Variants in C2orf49 observed in about 807,000 individuals in gnomAD.
C2orf49 encodes the protein tRNA-splicing ligase complex subunit ASW.
A neutral mutation model predicts 20.6 loss-of-function variants in C2orf49; 11 were observed. The ratio of observed to expected loss-of-function variants is 0.53; its 90% confidence interval spans 0.34 to 0.88. C2orf49 has a LOEUF of 0.88. C2orf49 is among the 40% of genes least tolerant of loss of function. C2orf49 has a pLI of 0.02. For synonymous variants in C2orf49, 134 were observed against 108.5 expected (o/e 1.24, Z -1.46); for missense variants, 289 against 274.2 (o/e 1.05, Z -0.38).
chr2:105,367,478 G>T, the C2orf49 span: 1 of 1,303,908 alleles, frequency 7.7e-7, no homozygotes, highest in Non-Finnish European at 1.1e-6. Flanking sequence ...AGTATCACAG[G>T]TATCCTTGGT....
At chr2:105,341,105 A>G (rs1452499294) in intron 2 of C2orf49, among the ~76,000 whole-genome samples, 2 of 152,242 alleles carry the variant, frequency 1.3e-5, no homozygotes, top group East Asian at 3.8e-4. Flanking sequence ...ACTTACTAGT[A>G]CAGACTATGT....
At chr2:105,373,854 G>A in the C2orf49 span, 2 of 857,270 alleles carry the variant, frequency 2.3e-6, no homozygotes, top group African/African-American at 3.4e-5. Flanking sequence ...GAGGCACCCT[G>A]GCGCACCCAC....
At chr2:105,381,496 C>G in the C2orf49 span, among the ~76,000 whole-genome samples, 1 of 152,064 alleles carries the variant, frequency 6.6e-6, no homozygotes, top group East Asian at 1.9e-4. Context: ...CGGGGTCCAG[C>G]CTCGGTGCAT....
chr2:105,337,744 AC>A, intron 1 of C2orf49, 58 bp downstream of exon 1: 1 of 1,448,752 alleles, frequency 6.9e-7, no homozygotes, highest in Non-Finnish European at 9.3e-7. Context: ...AGGCGCTTGC[AC>A]CCGAGCTTGC....
chr2:105,341,261 TC>T (rs1190884602), intron 2 of C2orf49, among the ~76,000 whole-genome samples: 1 of 152,360 alleles, frequency 6.6e-6, no homozygotes, highest in Admixed American at 6.5e-5. Flanking sequence ...AGTCATACTT[TC>T]CTTTGAAGCA....
chr2:105,359,689 A>C, the C2orf49 span: 4 of 152,174 alleles, frequency 2.6e-5, no homozygotes, highest in Admixed American at 2.6e-4. Context: ...AGTAGCTCAG[A>C]ATGTTATTTT....
chr2:105,362,812 A>G, the C2orf49 span, among the ~76,000 whole-genome samples: 1 of 152,206 alleles, frequency 6.6e-6, no homozygotes, highest in East Asian at 1.9e-4. Flanking sequence ...GGGGAATACA[A>G]TATGAAAAAC....
the C2orf49 span, among the ~76,000 whole-genome samples, chr2:105,371,785 C>G: frequency 2.0e-5 from 3 of 152,128 alleles, no homozygotes; most frequent in Non-Finnish European, 2.9e-5. Context: ...GTTCAGGAAA[C>G]TAGTAAGGGT....
the C2orf49 span, chr2:105,378,215 G>C: frequency 4.2e-6 from 2 of 470,690 alleles, no homozygotes; most frequent in African/African-American, 4.0e-5. Flanking sequence ...GCACAAAAAT[G>C]CAATAGCTAC....
chr2:105,378,254 C>A, the C2orf49 span: 1 of 460,990 alleles, frequency 2.2e-6, no homozygotes, highest in Non-Finnish European at 4.5e-6. Context: ...TGACACGTGA[C>A]ACTTGAAACT....
At chr2:105,380,662 G>A in the C2orf49 span, among the ~76,000 whole-genome samples, 5 of 152,152 alleles carry the variant, frequency 3.3e-5, no homozygotes, top group Middle Eastern at 3.2e-3. Context: ...AACAGAGATA[G>A]CACTTCGATG....
chr2:105,344,145 A>T (rs1032599814), intron 3 of C2orf49, among the ~76,000 whole-genome samples: 1 of 152,174 alleles, frequency 6.6e-6, no homozygotes, highest in East Asian at 1.9e-4. Context: ...GGAAACAGAA[A>T]CTTAGTAAAT....
chr2:105,339,680 C>T lies in C2orf49; in HGVS notation c.197C>T (p.Pro66Leu), dbSNP rs766998627. The change falls in exon 2 of 4, where the codon CCG becomes CTG. Residue 66 changes from proline to leucine, a missense_variant. Pro to Leu is a moderately conservative substitution (Grantham distance 98, BLOSUM62 -3). Transcript: ENST00000258457. ...ATACCATTGCCTCAGAGGGATTTGCCGAAGAATAGATGGGGGAAAATGATG... is the reference window on the plus strand; with the variant it reads ...ATACCATTGCCTCAGAGGGATTTGCTGAAGAATAGATGGGGGAAAATGATG... ...HAIPLPQRDL[P>L]KNRWGKMMEK... 8 of 1,605,376 alleles carry T rather than the reference C, an allele frequency of 5.0e-6. No homozygotes were observed. The highest frequency in any genetic ancestry group is 1.3e-5 in the African/African-American group (1 of 74,442).
At chr2:105,384,279 G>A in the C2orf49 span, among the ~76,000 whole-genome samples, 1 of 152,028 alleles carries the variant, frequency 6.6e-6, no homozygotes, top group Non-Finnish European at 1.5e-5. Flanking sequence ...CCTCAAACTG[G>A]ACATTTTTAT....
At chr2:105,343,749 A>G (rs553999800) in intron 3 of C2orf49, among the ~76,000 whole-genome samples, 19 of 152,260 alleles carry the variant, frequency 1.2e-4, no homozygotes, top group South Asian at 1.0e-3. Context: ...GGGGAAATCT[A>G]TTATGTTGTG....
the C2orf49 span, among the ~76,000 whole-genome samples, chr2:105,354,663 T>C: frequency 2.6e-5 from 2 of 78,002 alleles, no homozygotes; most frequent in African/African-American, 1.0e-4. Flanking sequence ...CAAAACTCCA[T>C]CTCAAAAAAA....
the C2orf49 span, among the ~76,000 whole-genome samples, chr2:105,381,787 G>T: frequency 4.6e-5 from 7 of 152,144 alleles, no homozygotes; most frequent in African/African-American, 1.7e-4. Flanking sequence ...AAGGTAATTT[G>T]CTCATTGAGA....
At chr2:105,375,158 T>TGTGTGC in the C2orf49 span, 9 of 145,158 alleles carry the variant, frequency 6.2e-5, no homozygotes, top group Non-Finnish European at 1.4e-4. Flanking sequence ...TGTGTGTGTG[T>TGTGTGC]GCGCGTGCGT....
At chr2:105,340,496 A>C (rs1290442289) in intron 2 of C2orf49, among the ~76,000 whole-genome samples, 4 of 152,210 alleles carry the variant, frequency 2.6e-5, no homozygotes, top group African/African-American at 9.6e-5. Flanking sequence ...GGGTTGGAGC[A>C]TGCATGTATT....
Sources: allele counts gnomAD v4.1 joint callset (sites outside exome capture counted in the v4.1 genomes callset), GRCh38; gene constraint gnomAD v4.1.1; transcripts MANE v1.5; gene names NCBI Gene and HGNC (gene_info 2026-07-23, HGNC 2026-07-21).